The following ANKRD24 variants were observed in gnomAD, a reference collection of about 807,000 sequenced individuals.
ANKRD24 encodes ankyrin repeat domain 24.
Under a neutral mutation model 127.8 loss-of-function variants are expected in ANKRD24, and 109 were observed. The observed-to-expected ratio is 0.85, with a 90% CI of 0.73 to 1.00. The LOEUF (loss-of-function observed/expected upper bound fraction) is 1.00. Among genes scored for constraint, ANKRD24 ranks in the 50% least tolerant of loss-of-function variants. ANKRD24 has a pLI of 0.00. For missense variants in ANKRD24, 1,648 were observed against 1,570.2 expected, an observed-to-expected ratio of 1.05 and a Z score of -0.84; for synonymous variants, 743 against 671.1, an observed-to-expected ratio of 1.11 and a Z score of -1.66.
intron 2 of ANKRD24, among the ~76,000 whole-genome samples, chr19:4,193,294 C>CA (rs1300868658): frequency 3.1e-5 from 1 of 32,276 alleles, no homozygotes; most frequent in Non-Finnish European, 5.5e-5. Flanking sequence ...AGAGCGACTC[C>CA]ATCAAAAAAA....
chr19:4,218,240 G>C, intron 18 of ANKRD24, 77 bp downstream of exon 18: 1 of 1,337,430 alleles, frequency 7.5e-7, no homozygotes, highest in Non-Finnish European at 9.7e-7. Context: ...GCAGCCTTGA[G>C]GTGTTTTGAA....
chr19:4,202,811 A>G (rs1969165455), intron 6 of ANKRD24, 58 bp from the exon 7 acceptor site: 1 of 1,535,876 alleles, frequency 6.5e-7, no homozygotes, highest in Non-Finnish European at 8.8e-7. Context: ...AGGCAGTCCT[A>G]GAGAAATCAG....
chr19:4,210,034 ACTCT>A lies in ANKRD24; in HGVS notation c.871-18_871-15del. The stretch of plus-strand genomic sequence containing the variant: ...CATGGCCCCCCGATCGGCCCCCTTC[ACTCT>A]CTCTCCCCTCCCTTCCCAGAACTCT... On this transcript the variant is annotated intron_variant, in intron 11 of 21. Transcript: ENST00000318934. The A allele has an allele frequency of 6.4e-7, 1 of 1,551,288 alleles. No individual in the cohort carries two copies. The highest frequency in any genetic ancestry group is 8.8e-7 in the Non-Finnish European group (1 of 1,135,196).
intron 2 of ANKRD24, among the ~76,000 whole-genome samples, chr19:4,189,966 C>T (rs76097384): frequency 0.12 from 18,257 of 151,958 alleles, 1,521 homozygotes; most frequent in East Asian, 0.36. Flanking sequence ...TGGGTGGAGA[C>T]AGACAGCGGG....
rs1968651572 is a variant in ANKRD24, at chr19:4,195,239, A to G, written c.37-4444A>G. On this transcript the variant is annotated intron_variant, in intron 2 of 21. Coordinates refer to ENST00000318934, the MANE Select transcript of ANKRD24 (RefSeq NM_001393985.1). The surrounding 1 kb of genome is among the most constrained non-coding windows in gnomAD (Gnocchi z 4.2). ...AGGCGCCCACCACCACGCCCGGCTA[A>G]TTTTTTGTATTTTTAGTAGAGACGG... Among the ~76,000 whole-genome samples, 1 of 151,544 alleles carries G rather than the reference A, an allele frequency of 6.6e-6. No homozygotes were observed. Among genetic ancestry groups the G allele is most frequent in the Non-Finnish European group, 1.5e-5 (1 of 67,918 alleles).
intron 20 of ANKRD24, 125 bp downstream of exon 20, chr19:4,222,920 T>A: frequency 9.0e-7 from 1 of 1,108,306 alleles, no homozygotes; most frequent in South Asian, 2.3e-5. Context: ...GGGGTCCACA[T>A]CACATGCACG....
At chr19:4,209,013 A>C in intron 11 of ANKRD24, 66 of 287,166 alleles carry the variant, frequency 2.3e-4, no homozygotes, top group East Asian at 7.3e-4. Context: ...GGGCCAAATT[A>C]TGGGGCTGGG....
intron 2 of ANKRD24, among the ~76,000 whole-genome samples, chr19:4,188,170 C>CG (rs1396649074): frequency 6.7e-6 from 1 of 150,262 alleles, no homozygotes. Context: ...CTCCACCTCC[C>CG]GGGTTCAAGT....
chr19:4,212,627 G>T lies in ANKRD24; in HGVS notation c.1126G>T (p.Glu376Ter). ...QVQELQQLLVERQEEKESLGR... is the reference protein window; with the variant it reads ...QVQELQQLLV ...GCAAGAGCTACAGCAGTTGCTGGTG[G>T]AGAGACAAGAGGAGAAGGAGAGCCT... is the stretch of plus-strand genomic sequence containing the variant. The change falls in exon 15 of 22, where the codon GAG becomes TAG. Residue 376 changes from glutamate to a stop codon, truncating the protein, a stop_gained. Transcript: ENST00000318934. LOFTEE classifies it high-confidence loss of function. 1.3e-6 allele frequency: 2 copies of T among 1,551,280 alleles called. No homozygotes were observed. The highest frequency in any genetic ancestry group is 1.7e-6 in the Non-Finnish European group (2 of 1,147,026).
chr19:4,207,695 C>T (rs1969471648), intron 9 of ANKRD24, 86 bp from the exon 10 acceptor site: 2 of 1,593,286 alleles, frequency 1.3e-6, no homozygotes, highest in Non-Finnish European at 1.7e-6. Flanking sequence ...AGCCAGCCTC[C>T]TCTTCCCAGC....
chr19:4,204,734 G>T (rs922646815), intron 7 of ANKRD24, among the ~76,000 whole-genome samples: 1 of 152,194 alleles, frequency 6.6e-6, no homozygotes, highest in African/African-American at 2.4e-5. Flanking sequence ...AGGGCTTTGG[G>T]GGTTTTAGTC....
At position 4,217,609 on chromosome 19, in the gene ANKRD24, G is replaced by A; in HGVS notation, c.2449G>A (p.Glu817Lys). 5 of 1,299,152 alleles carry A rather than the reference G, an allele frequency of 3.8e-6. No individual in the cohort carries two copies. The highest frequency in any genetic ancestry group is 4.9e-6 in the Non-Finnish European group (5 of 1,027,818). The allele number at this position is 1,299,152 out of a possible 1,614,324, so 80.5% of individuals were successfully genotyped here. A position where few individuals can be genotyped will look rare whatever the true frequency, so the allele number is the denominator to read the frequency against. ...GGAGGCGGCCTCGGCCTGCCTGGAT[G>A]AGGCTCGGGCCAGCCGGCTGCTGGC... ...ELEAASACLD[E>K]ARASRLLAEE... Residue 817 changes from glutamate (E) to lysine (K), a missense_variant, in exon 18 of 22, where the codon GAG (glutamate) becomes AAG (lysine). Physicochemically the swap from Glu to Lys is moderately conservative, Grantham distance 56. Transcript: ENST00000318934.
intron 10 of ANKRD24, 24 bp downstream of exon 10, chr19:4,207,992 T>C (rs749610511): frequency 3.4e-6 from 5 of 1,451,158 alleles, no homozygotes; most frequent in Non-Finnish European, 4.5e-6. Flanking sequence ...ACCTCCCCAA[T>C]GCATTTGCTT....
At position 4,199,209 on chromosome 19, in the gene ANKRD24, G is replaced by A. The variant is rs1328536037; in HGVS notation, c.37-474G>A. Among the ~76,000 whole-genome samples the A allele has an allele frequency of 6.6e-6, 1 of 152,002 alleles. No homozygotes were observed. The highest frequency in any genetic ancestry group is 1.5e-5 in the Non-Finnish European group (1 of 67,994). ...CATGGATCCATTTGCTGGGGGCGAT[G>A]TTGCAGGGGTGGCTTTCACTAAGGG... On this transcript the variant is annotated intron_variant, in intron 2 of 21. Transcript: ENST00000318934. The surrounding 1 kb of genome is among the most constrained non-coding windows in gnomAD (Gnocchi z 5.2).
intron 1 of ANKRD24, chr19:4,183,328 G>A: frequency 4.1e-6 from 4 of 986,408 alleles, no homozygotes; most frequent in Non-Finnish European, 4.8e-6. Context: ...CTGCAGGACA[G>A]GTCCTGCTCA....
chr19:4,193,857 A>G (rs797010794), intron 2 of ANKRD24, among the ~76,000 whole-genome samples: 519 of 42,262 alleles, frequency 0.012, no homozygotes, highest in East Asian at 0.026. Flanking sequence ...GGAAGGAAGG[A>G]AGGAAGGAAG....
chr19:4,212,841 C>A (rs1045956494), intron 15 of ANKRD24, 143 bp downstream of exon 15: 6 of 800,886 alleles, frequency 7.5e-6, no homozygotes, highest in Non-Finnish European at 1.2e-5. Flanking sequence ...ACCCACAAAC[C>A]CACAGTCTTG....
At chr19:4,191,473 A>C (rs1290012737) in intron 2 of ANKRD24, among the ~76,000 whole-genome samples, 1 of 150,660 alleles carries the variant, frequency 6.6e-6, no homozygotes, top group Non-Finnish European at 1.5e-5. Context: ...TCTTTCTTTT[A>C]TTTTTATTTA....
chr19:4,198,479 C>T lies in ANKRD24; in HGVS notation c.37-1204C>T, dbSNP rs926475912. On this transcript the variant is annotated intron_variant, in intron 2 of 21. Coordinates refer to ENST00000318934, the MANE Select transcript of ANKRD24 (RefSeq NM_001393985.1). The surrounding 1 kb of genome is among the most constrained non-coding windows in gnomAD (Gnocchi z 6.1). ...GGAACCCCGTGCGCCCCCCGCGCCCCGCGCCCCGGACGCCATGAAGCAGCT... is the reference window on the plus strand; with the variant it reads ...GGAACCCCGTGCGCCCCCCGCGCCCTGCGCCCCGGACGCCATGAAGCAGCT... 1.5e-5 allele frequency: 9 copies of T among 620,572 alleles called. No individual in the cohort carries two copies. The highest frequency in any genetic ancestry group is 5.7e-5 in the African/African-American group (3 of 52,366). 38.4% of individuals were successfully genotyped at this position (620,572 alleles called of 1,614,324 possible).
Sources: gnomAD v4.1 joint callset for allele counts (sites outside exome capture counted in the v4.1 genomes callset) on GRCh38, gnomAD v4.1.1 for gene constraint, Gnocchi (gnomAD v3.1) non-coding constraint, MANE v1.5 for transcripts, NCBI Gene and HGNC (gene_info 2026-07-23, HGNC 2026-07-21) for gene names.